ENPP1: variants seen among roughly 807,000 people sequenced by gnomAD.
The protein encoded by ENPP1 is ectonucleotide pyrophosphatase/phosphodiesterase family member 1.
ENPP1 carries 73 observed loss-of-function variants against 122.8 expected under a neutral mutation model. The ratio of observed to expected loss-of-function variants is 0.59; its 90% CI spans 0.49 to 0.72. ENPP1 has a LOEUF of 0.72. ENPP1 is among the 30% of genes least tolerant of loss of function. ENPP1 has a pLI of 0.00. For synonymous variants in ENPP1, 367 were observed against 391.6 expected, an observed-to-expected ratio of 0.94 and a Z score of 0.74; for missense variants, 978 against 1,128.1, an observed-to-expected ratio of 0.87 and a Z score of 1.91.
chr6:131,850,642 C>T (rs1371821580), intron 3 of ENPP1, among the ~76,000 whole-genome samples: 4 of 152,168 alleles, frequency 2.6e-5, no homozygotes, highest in East Asian at 1.9e-4. Context: ...GACCATGGCT[C>T]GTTGCAACCT....
At chr6:131,852,314 TA>T in intron 5 of ENPP1, 79 bp downstream of exon 5, 1 of 849,202 alleles carries the variant, frequency 1.2e-6, no homozygotes, top group South Asian at 1.4e-5. Flanking sequence ...ATTAAGATGA[TA>T]AAAATAATAA....
intron 9 of ENPP1, among the ~76,000 whole-genome samples, chr6:131,862,255 G>A (rs760253834): frequency 6.6e-6 from 1 of 152,136 alleles, no homozygotes; most frequent in African/African-American, 2.4e-5. Flanking sequence ...CACCGATAAC[G>A]TGTTTAGTTC....
chr6:131,820,383 G>A (rs532518807), intron 1 of ENPP1: 2 of 156,350 alleles, frequency 1.3e-5, no homozygotes, highest in East Asian at 3.8e-4. Context: ...TTGATCGCCA[G>A]GGCTGATTTG....
chr6:131,857,396 A>G (rs1414004436), intron 6 of ENPP1, among the ~76,000 whole-genome samples: 1 of 149,788 alleles, frequency 6.7e-6, no homozygotes. Flanking sequence ...ACTTGGAACC[A>G]ACCCAAATGT....
chr6:131,875,649 G>A, intron 16 of ENPP1, 127 bp from the exon 17 acceptor site: 2 of 742,064 alleles, frequency 2.7e-6, no homozygotes, highest in Admixed American at 1.9e-5. Context: ...AGTCCACTGA[G>A]CGTGGTAGTT....
chr6:131,836,532 A>C (rs749449158), intron 1 of ENPP1, among the ~76,000 whole-genome samples: 9 of 152,108 alleles, frequency 5.9e-5, no homozygotes, highest in Non-Finnish European at 1.2e-4. Context: ...ACTTAGATAA[A>C]ATCTATTAAA....
chr6:131,883,512 T>C (rs1299486340), intron 21 of ENPP1, among the ~76,000 whole-genome samples, 182 bp from the exon 22 acceptor site: 1 of 152,230 alleles, frequency 6.6e-6, no homozygotes, highest in Non-Finnish European at 1.5e-5. Context: ...TTAAATATTT[T>C]ATTTTTGTAA....
chr6:131,835,741 C>G (rs1485569513), intron 1 of ENPP1, among the ~76,000 whole-genome samples: 3 of 152,072 alleles, frequency 2.0e-5, no homozygotes, highest in African/African-American at 7.2e-5. Context: ...CTGACAGGCC[C>G]AGTGTGTGTT....
intron 13 of ENPP1, among the ~76,000 whole-genome samples, chr6:131,870,626 A>G (rs1782149628): frequency 6.6e-6 from 1 of 152,252 alleles, no homozygotes; most frequent in Non-Finnish European, 1.5e-5. Context: ...TTGACTATTA[A>G]TGAAGAAAAT....
chr6:131,887,947 G>A (rs1372058114), intron 24 of ENPP1, among the ~76,000 whole-genome samples: 1 of 135,284 alleles, frequency 7.4e-6, no homozygotes, highest in Non-Finnish European at 1.5e-5. Context: ...TGCAACCTCC[G>A]CTTCCCGGGC....
At chr6:131,870,607 T>C (rs924257498) in intron 13 of ENPP1, among the ~76,000 whole-genome samples, 4 of 152,242 alleles carry the variant, frequency 2.6e-5, no homozygotes, top group Non-Finnish European at 4.4e-5. Context: ...TTTCAATAGA[T>C]AGATACTATT....
At chr6:131,844,672 G>A (rs950519145) in intron 1 of ENPP1, among the ~76,000 whole-genome samples, 4 of 152,340 alleles carry the variant, frequency 2.6e-5, no homozygotes, top group East Asian at 3.9e-4. Context: ...ACAGCTAACC[G>A]TGGGAATGCT....
intron 1 of ENPP1, among the ~76,000 whole-genome samples, chr6:131,824,056 T>C (rs577789026): frequency 7.2e-5 from 11 of 151,898 alleles, no homozygotes; most frequent in Admixed American, 5.3e-4. Flanking sequence ...GGCAGTCTGG[T>C]GCAAGAGGCT....
chr6:131,885,905 T>C (rs766621922), intron 23 of ENPP1, among the ~76,000 whole-genome samples: 5 of 152,178 alleles, frequency 3.3e-5, no homozygotes, highest in Non-Finnish European at 7.3e-5. Context: ...GAGCCCTCTG[T>C]TTAAATCTGT....
chr6:131,840,784 T>G (rs937951692), intron 1 of ENPP1, among the ~76,000 whole-genome samples: 5 of 152,152 alleles, frequency 3.3e-5, no homozygotes, highest in Non-Finnish European at 5.9e-5. Context: ...TGTAGTAGGA[T>G]CTCAAGAAAT....
At chr6:131,874,481 A>T in intron 16 of ENPP1, 144 bp downstream of exon 16, 1 of 608,364 alleles carries the variant, frequency 1.6e-6, no homozygotes, top group Non-Finnish European at 2.9e-6. Flanking sequence ...TTCTTTGAAC[A>T]TTAAAGAATT....
intron 1 of ENPP1, among the ~76,000 whole-genome samples, chr6:131,833,651 C>T (rs1296810614): frequency 2.0e-5 from 3 of 152,064 alleles, no homozygotes; most frequent in African/African-American, 7.2e-5. Flanking sequence ...CTCCATTTGC[C>T]ATTGTATTTT....
intron 17 of ENPP1, 113 bp from the exon 18 acceptor site, chr6:131,876,879 A>T: frequency 1.1e-6 from 1 of 910,896 alleles, no homozygotes; most frequent in Non-Finnish European, 1.8e-6. Flanking sequence ...TATTTTAGTT[A>T]AAGAGTAAAT....
intron 15 of ENPP1, among the ~76,000 whole-genome samples, chr6:131,873,658 A>G (rs757340303): frequency 2.6e-5 from 4 of 152,086 alleles, no homozygotes; most frequent in Non-Finnish European, 4.4e-5. Flanking sequence ...AATAGTGTTA[A>G]TATCTCACAA....
Sources: gnomAD v4.1 joint callset for allele counts (sites outside exome capture counted in the v4.1 genomes callset) on GRCh38, gnomAD v4.1.1 for gene constraint, MANE v1.5 for transcripts, NCBI Gene and HGNC (gene_info 2026-07-23, HGNC 2026-07-21) for gene names.